PRELID2: variants seen among roughly 807,000 people sequenced by gnomAD.
The protein encoded by PRELID2 is PRELI domain-containing protein 2.
A neutral mutation model predicts 28.4 loss-of-function variants in PRELID2; 25 were observed. That is an observed-to-expected ratio of 0.88 (90% CI 0.64 to 1.23). The LOEUF (loss-of-function observed/expected upper bound fraction) is 1.23, where lower values mean the gene tolerates loss of function less well. Ranked by LOEUF, PRELID2 falls within the 50% of genes most tolerant of loss-of-function variation. The pLI is 0.00. For missense variants in PRELID2, 201 were observed against 214.4 expected (o/e 0.94, Z 0.39); for synonymous variants, 76 against 71.6 (o/e 1.06, Z -0.31).
At chr5:145,300,529 T>C in the PRELID2 span, among the ~76,000 whole-genome samples, 2 of 151,978 alleles carry the variant, frequency 1.3e-5, no homozygotes, top group South Asian at 2.1e-4. Context: ...TGAATCTCCT[T>C]TCTTTAAAGT....
chr5:145,306,238 T>C, the PRELID2 span, among the ~76,000 whole-genome samples: 2 of 152,238 alleles, frequency 1.3e-5, no homozygotes, highest in African/African-American at 4.8e-5. Flanking sequence ...TTTGTATGAA[T>C]ATTATGTCAG....
downstream of PRELID2, among the ~76,000 whole-genome samples, chr5:145,470,911 T>TTCATTTAAACAGTCCCAAATCC (rs1752048094): frequency 1.3e-5 from 2 of 152,042 alleles, no homozygotes; most frequent in Non-Finnish European, 2.9e-5. Flanking sequence ...TGTCTTTGTC[T>TTCATTTAAACAGTCCCAAATCC]TCATTTAAAC....
At chr5:145,694,729 G>A (rs1238061176) in intron 1 of PRELID2, among the ~76,000 whole-genome samples, 3 of 151,752 alleles carry the variant, frequency 2.0e-5, no homozygotes, top group Admixed American at 1.3e-4. Context: ...TGACTACTGT[G>A]TGAATAGAAT....
chr5:145,329,373 T>C, the PRELID2 span, among the ~76,000 whole-genome samples: 720 of 152,308 alleles, frequency 4.7e-3, 8 homozygotes, highest in African/African-American at 0.017. Context: ...CTTTGGGCAG[T>C]ATGGCCATTT....
At chr5:145,632,187 A>T (rs1416539683) in intron 1 of PRELID2, among the ~76,000 whole-genome samples, 2 of 152,164 alleles carry the variant, frequency 1.3e-5, no homozygotes. Flanking sequence ...ATCCTTAGGT[A>T]AACAAGCCTC....
At chr5:145,577,014 C>G (rs902320211) in intron 1 of PRELID2, among the ~76,000 whole-genome samples, 2 of 152,128 alleles carry the variant, frequency 1.3e-5, no homozygotes, top group African/African-American at 4.8e-5. Flanking sequence ...GAATTTAAGG[C>G]ACTTCCCAGC....
At chr5:145,650,515 G>T (rs1185989179) in intron 1 of PRELID2, among the ~76,000 whole-genome samples, 1 of 113,860 alleles carries the variant, frequency 8.8e-6, no homozygotes, top group African/African-American at 3.3e-5. Flanking sequence ...TGAGCATATC[G>T]AATCGCACAT....
chr5:145,494,482 T>C (rs762008324), intron 1 of PRELID2, among the ~76,000 whole-genome samples: 16 of 152,190 alleles, frequency 1.1e-4, no homozygotes, highest in Non-Finnish European at 1.3e-4. Context: ...ATTGGTAGCT[T>C]AAATGAAAAG....
In PRELID2 at chr5:145,765,021, A is replaced by G. The variant is rs757575442; in HGVS notation, c.475-21T>C. ...ATTCCCTATAGAAAGAAGGAAAAAAAATTAAAATGCCCTATTTCACAGACA... is the reference window on the plus strand; with the variant it reads ...ATTCCCTATAGAAAGAAGGAAAAAAGATTAAAATGCCCTATTTCACAGACA... On this transcript the variant is annotated intron_variant, in intron 5 of 6. Coordinates refer to ENST00000683046, the MANE Select transcript of PRELID2 (RefSeq NM_205846.3). 3 of 1,537,662 alleles carry G rather than the reference A, an allele frequency of 2.0e-6. No individual in the cohort carries two copies. The East Asian group carries it at 6.8e-5, about 35-fold the overall frequency.
At chr5:145,656,428 T>C (rs1754394927) in intron 1 of PRELID2, among the ~76,000 whole-genome samples, 1 of 152,144 alleles carries the variant, frequency 6.6e-6, no homozygotes, top group Admixed American at 6.5e-5. Flanking sequence ...TTATAAATCA[T>C]GTTACTATAA....
the PRELID2 span, among the ~76,000 whole-genome samples, chr5:145,382,925 T>C: frequency 4.6e-4 from 70 of 151,948 alleles, no homozygotes; most frequent in South Asian, 0.013. Context: ...TTTACCAAAA[T>C]ATATAACAAT....
intron 4 of PRELID2, among the ~76,000 whole-genome samples, chr5:145,805,935 C>A (rs962419512): frequency 6.6e-6 from 1 of 152,066 alleles, no homozygotes; most frequent in Non-Finnish European, 1.5e-5. Flanking sequence ...AAGATATATA[C>A]CATGTATATA....
intron 1 of PRELID2, among the ~76,000 whole-genome samples, chr5:145,833,893 T>C (rs1336705271): frequency 2.0e-5 from 3 of 152,250 alleles, no homozygotes; most frequent in African/African-American, 7.2e-5. Flanking sequence ...CCCCTTCATC[T>C]TATAGATGTG....
At chr5:145,819,250 A>C in intron 3 of PRELID2, 1 of 688,212 alleles carries the variant, frequency 1.5e-6, no homozygotes, top group Non-Finnish European at 2.6e-6. Flanking sequence ...CTTGGGTTGA[A>C]ACTACCCTCT....
intron 1 of PRELID2, among the ~76,000 whole-genome samples, chr5:145,482,291 G>C (rs943360089): frequency 6.6e-6 from 1 of 152,160 alleles, no homozygotes; most frequent in Admixed American, 6.5e-5. Context: ...AATGAAAAAT[G>C]TCTGCTTGTG....
intron 1 of PRELID2, among the ~76,000 whole-genome samples, chr5:145,622,665 A>G (rs973540259): frequency 6.6e-6 from 1 of 152,188 alleles, no homozygotes; most frequent in African/African-American, 2.4e-5. Context: ...CAAGAAGGTT[A>G]TTAAGATATT....
At chr5:145,610,502 C>G (rs1002409242) in intron 1 of PRELID2, among the ~76,000 whole-genome samples, 9 of 151,922 alleles carry the variant, frequency 5.9e-5, no homozygotes, top group Non-Finnish European at 5.9e-5. Context: ...GTATGTAGAA[C>G]ACAAGGACAC....
chr5:145,673,635 A>C (rs1421643312), intron 1 of PRELID2, among the ~76,000 whole-genome samples: 1 of 152,122 alleles, frequency 6.6e-6, no homozygotes, highest in Admixed American at 6.6e-5. Context: ...GGGCATAATA[A>C]ATCTATAAAA....
At chr5:145,274,655 T>C in the PRELID2 span, among the ~76,000 whole-genome samples, 43 of 152,236 alleles carry the variant, frequency 2.8e-4, no homozygotes, top group East Asian at 7.9e-3. Flanking sequence ...TATATTGTAG[T>C]CTATCCATTA....
Sources: allele counts gnomAD v4.1 joint callset (sites outside exome capture counted in the v4.1 genomes callset), GRCh38; gene constraint gnomAD v4.1.1; transcripts MANE v1.5; gene names NCBI Gene and HGNC (gene_info 2026-07-23, HGNC 2026-07-21).